SLC25A15: variants seen among roughly 807,000 people sequenced by gnomAD.
SLC25A15 encodes the protein solute carrier family 25 member 15.
Under a neutral mutation model 32.3 loss-of-function variants are expected in SLC25A15, and 24 were observed. The observed-to-expected ratio is 0.74, with a 90% CI of 0.54 to 1.04. The LOEUF is 1.04. Ranked by LOEUF, SLC25A15 falls within the 50% of genes least tolerant of loss-of-function variation. The pLI is 0.00. For missense variants in SLC25A15, 317 were observed against 374.5 expected (o/e 0.85, Z 1.27); for synonymous variants, 132 against 142.1 (o/e 0.93, Z 0.51).
chr13:40,804,957 C>T, intron 3 of SLC25A15, among the ~76,000 whole-genome samples, 161 bp from the exon 4 acceptor site: 1 of 152,118 alleles, frequency 6.6e-6, no homozygotes, highest in Non-Finnish European at 1.5e-5. Flanking sequence ...CACATGGGCT[C>T]AAGTGATCCT....
At chr13:40,800,821 C>T (rs1259836418) in intron 3 of SLC25A15, among the ~76,000 whole-genome samples, 2 of 152,216 alleles carry the variant, frequency 1.3e-5, no homozygotes, top group Non-Finnish European at 2.9e-5. Context: ...GCTTTCAGAA[C>T]ATTGAATTGC....
At position 40,805,133 on chromosome 13, in the gene SLC25A15, A is replaced by G. The variant is rs754666431; in HGVS notation, c.330A>G (p.Ala110=). The change falls in exon 4 of 7, where the codon GCA becomes GCG. Residue 110 remains alanine (A), a synonymous_variant. Transcript: ENST00000338625. ...KQAKLSDLQN[A]AAGSFASAFA... ...GTGCTTTCAGTGATCTGCAGAATGC[A>G]GCCGCCGGTTCCTTCGCCTCTGCCT... The G allele has an allele frequency of 1.9e-5, 30 of 1,614,022 alleles. No individual in the cohort carries two copies. In the African/African-American group the frequency reaches 3.5e-4, roughly 19 times the overall value.
chr13:40,799,850 G>T (rs1158550230), intron 3 of SLC25A15, among the ~76,000 whole-genome samples: 5 of 152,266 alleles, frequency 3.3e-5, no homozygotes, highest in Non-Finnish European at 7.3e-5. Flanking sequence ...GGAAGAGGTT[G>T]TCTGAGCCAG....
chr13:40,809,867 G>T lies in SLC25A15; in HGVS notation c.*200G>T. The T allele has an allele frequency of 1.7e-6, 1 of 599,296 alleles. No individual in the cohort carries two copies. The highest frequency in any genetic ancestry group is 2.0e-5 in the South Asian group (1 of 51,182). 37.1% of individuals were successfully genotyped at this position (599,296 alleles called of 1,614,324 possible). A position where few individuals can be genotyped will look rare whatever the true frequency, so the allele number is the denominator to read the frequency against. On this transcript the variant is annotated 3_prime_UTR_variant, in exon 7 of 7. Transcript: ENST00000338625. ...TATCATTTCTGTCCATAATTGTACT[G>T]AAATAGAAAAGTGACCGCTCTTGCT... is the stretch of plus-strand genomic sequence containing the variant.
intron 5 of SLC25A15, 58 bp downstream of exon 5, chr13:40,807,521 T>C: frequency 6.4e-7 from 1 of 1,564,938 alleles, no homozygotes; most frequent in Non-Finnish European, 8.8e-7. Context: ...CCTGCAGGTA[T>C]GGTTTCTGTG....
intron 2 of SLC25A15, among the ~76,000 whole-genome samples, chr13:40,794,324 C>G (rs1377441435): frequency 1.4e-5 from 2 of 147,374 alleles, no homozygotes; most frequent in African/African-American, 5.0e-5. Flanking sequence ...TGGGCAACAA[C>G]AGTGAAACTC....
chr13:40,808,322 G>C, intron 5 of SLC25A15, 116 bp from the exon 6 acceptor site: 9 of 886,094 alleles, frequency 1.0e-5, no homozygotes, highest in Non-Finnish European at 1.7e-5. Context: ...ATTGTATTCT[G>C]TAGCATTAGC....
At chr13:40,798,591 C>A (rs979897991) in intron 2 of SLC25A15, 3 of 180,162 alleles carry the variant, frequency 1.7e-5, no homozygotes, top group Non-Finnish European at 3.2e-5. Context: ...GTTTCCGTTT[C>A]TTGTGCACAC....
intron 1 of SLC25A15, among the ~76,000 whole-genome samples, chr13:40,791,463 A>C (rs73461256): frequency 6.6e-6 from 1 of 151,368 alleles, no homozygotes; most frequent in Non-Finnish European, 1.5e-5. Flanking sequence ...GTTCAAGTGA[A>C]TCTTCTGCCT....
At chr13:40,792,861 C>T (rs766867014) in intron 1 of SLC25A15, among the ~76,000 whole-genome samples, 1 of 152,172 alleles carries the variant, frequency 6.6e-6, no homozygotes, top group Non-Finnish European at 1.5e-5. Context: ...AAGTCTGATG[C>T]GGTTTGGTAC....
At chr13:40,805,002 G>C (rs1308270110) in intron 3 of SLC25A15, 116 bp from the exon 4 acceptor site, 8 of 1,226,648 alleles carry the variant, frequency 6.5e-6, no homozygotes, top group Non-Finnish European at 9.5e-6. Context: ...GTAATCACAG[G>C]TTCATGCCCT....
At chr13:40,802,480 T>A (rs2068369013) in intron 3 of SLC25A15, among the ~76,000 whole-genome samples, 1 of 152,138 alleles carries the variant, frequency 6.6e-6, no homozygotes, top group African/African-American at 2.4e-5. Flanking sequence ...CACCAGGGAC[T>A]AGCAAACCAG....
At chr13:40,805,014 A>C (rs962490042) in intron 3 of SLC25A15, 104 bp from the exon 4 acceptor site, 1 of 1,397,226 alleles carries the variant, frequency 7.2e-7, no homozygotes, top group African/African-American at 1.4e-5. Flanking sequence ...TCATGCCCTC[A>C]CGCCCGGCTC....
chr13:40,799,026 G>A (rs201725044), intron 2 of SLC25A15, 31 bp from the exon 3 acceptor site: 423 of 1,614,130 alleles, frequency 2.6e-4, no homozygotes, highest in Non-Finnish European at 3.4e-4. Flanking sequence ...CTGTAGCCTC[G>A]TACTAGAGCA....
At chr13:40,803,709 C>T (rs889595599) in intron 3 of SLC25A15, among the ~76,000 whole-genome samples, 8 of 152,212 alleles carry the variant, frequency 5.3e-5, no homozygotes. Flanking sequence ...CCATTTTACC[C>T]TCGTCTGTGT....
At chr13:40,803,454 G>C (rs961637272) in intron 3 of SLC25A15, among the ~76,000 whole-genome samples, 1 of 152,184 alleles carries the variant, frequency 6.6e-6, no homozygotes. Flanking sequence ...CTCCCAAAGT[G>C]CTGGAATTAC....
At chr13:40,802,516 T>C (rs1881932583) in intron 3 of SLC25A15, among the ~76,000 whole-genome samples, 1 of 151,838 alleles carries the variant, frequency 6.6e-6, no homozygotes, top group Non-Finnish European at 1.5e-5. Flanking sequence ...CACCTTGATT[T>C]TATACTAATC....
chr13:40,794,803 C>T (rs1192736690), intron 2 of SLC25A15, among the ~76,000 whole-genome samples: 2 of 152,062 alleles, frequency 1.3e-5, no homozygotes, highest in African/African-American at 4.8e-5. Context: ...CCACCCCCAC[C>T]ACCAGCAGAT....
Position 40,793,345 on chromosome 13 carries a change from C to T in SLC25A15, c.55+64C>T, listed in dbSNP as rs1179459030. 3 of 1,369,548 alleles carry T rather than the reference C, an allele frequency of 2.2e-6. No homozygotes were observed. The East Asian group carries it at 6.9e-5, about 32-fold the overall frequency. The allele number at this position is 1,369,548 out of a possible 1,614,324, so 84.8% of individuals were successfully genotyped here. A position where few individuals can be genotyped will look rare whatever the true frequency, so the allele number is the denominator to read the frequency against. ...ATGGATGGTGTATCTGATGGTGGTC[C>T]CATGAGATTATACTACCATATTTTT... On this transcript the variant is annotated intron_variant, in intron 2 of 6. Transcript: ENST00000338625.
Sources: gnomAD v4.1 joint callset for allele counts (sites outside exome capture counted in the v4.1 genomes callset) on GRCh38, gnomAD v4.1.1 for gene constraint, MANE v1.5 for transcripts, NCBI Gene and HGNC (gene_info 2026-07-23, HGNC 2026-07-21) for gene names.